CSGALNACT1: variants seen among roughly 807,000 people sequenced by gnomAD.
CSGALNACT1 encodes the protein beta4GalNAcT-1.
CSGALNACT1 carries 52 observed loss-of-function variants against 51.0 expected under a neutral mutation model. That is an observed-to-expected ratio of 1.02 (90% confidence interval 0.82 to 1.29). The LOEUF (loss-of-function observed/expected upper bound fraction) is 1.29. Ranked by LOEUF, CSGALNACT1 falls within the 50% of genes most tolerant of loss-of-function variation. The pLI, the probability that CSGALNACT1 is intolerant of heterozygous loss-of-function variation, is 0.00. For missense variants in CSGALNACT1, 935 were observed against 679.2 expected, an observed-to-expected ratio of 1.38 and a Z score of -4.19; for synonymous variants, 341 against 254.4, an observed-to-expected ratio of 1.34 and a Z score of -3.24.
chr8:19,456,362 A>G (rs192624582), intron 5 of CSGALNACT1, among the ~76,000 whole-genome samples: 6 of 152,360 alleles, frequency 3.9e-5, no homozygotes, highest in African/African-American at 1.4e-4. Context: ...ATCAAAGCTC[A>G]GGACCCTGAA....
chr8:19,498,565 C>A (rs1563739974), intron 4 of CSGALNACT1, among the ~76,000 whole-genome samples: 3 of 151,986 alleles, frequency 2.0e-5, no homozygotes, highest in South Asian at 2.1e-4. Flanking sequence ...TACAACCCAG[C>A]CAGAACCCCT....
intron 4 of CSGALNACT1, among the ~76,000 whole-genome samples, chr8:19,501,001 G>A (rs1489583529): frequency 1.3e-5 from 2 of 152,142 alleles, no homozygotes; most frequent in Non-Finnish European, 2.9e-5. Context: ...TGTAATCCCA[G>A]CACTTTGGGA....
chr8:19,570,171 C>G (rs2958571), intron 3 of CSGALNACT1, among the ~76,000 whole-genome samples: 2 of 151,914 alleles, frequency 1.3e-5, no homozygotes, highest in South Asian at 4.2e-4. Flanking sequence ...ATGTAAAACT[C>G]TGCTGAACTG....
intron 8 of CSGALNACT1, among the ~76,000 whole-genome samples, chr8:19,417,612 C>T (rs999986568): frequency 1.1e-4 from 17 of 152,208 alleles, no homozygotes; most frequent in African/African-American, 4.1e-4. Context: ...AGCAGATGTC[C>T]TTCCTCCACC....
chr8:19,416,229 CT>C (rs2056849879), intron 8 of CSGALNACT1, among the ~76,000 whole-genome samples: 1 of 150,576 alleles, frequency 6.6e-6, no homozygotes, highest in Non-Finnish European at 1.5e-5. Context: ...ATTCTCCTGC[CT>C]CAGCCTGTGG....
At chr8:19,705,539 C>T (rs2062110163) in intron 1 of CSGALNACT1, among the ~76,000 whole-genome samples, 1 of 152,068 alleles carries the variant, frequency 6.6e-6, no homozygotes, top group African/African-American at 2.4e-5. Flanking sequence ...AGCTCAAGAC[C>T]AGCTTAGGCA....
At chr8:19,424,545 C>G (rs941796911) in intron 6 of CSGALNACT1, among the ~76,000 whole-genome samples, 4 of 152,162 alleles carry the variant, frequency 2.6e-5, no homozygotes, top group African/African-American at 9.7e-5. Context: ...ACCTCCTGGG[C>G]CTAGAAGTGG....
intron 1 of CSGALNACT1, among the ~76,000 whole-genome samples, chr8:19,694,211 G>A (rs2061471573): frequency 6.6e-6 from 1 of 152,156 alleles, no homozygotes; most frequent in African/African-American, 2.4e-5. Context: ...CTTCCTTTTG[G>A]CTACAAAGAT....
At chr8:19,679,948 GATTCA>G (rs1255604312) in intron 1 of CSGALNACT1, among the ~76,000 whole-genome samples, 3 of 152,172 alleles carry the variant, frequency 2.0e-5, no homozygotes, top group African/African-American at 7.2e-5. Context: ...GCTTAGAGTA[GATTCA>G]ATTCATTTAC....
intron 4 of CSGALNACT1, among the ~76,000 whole-genome samples, chr8:19,482,917 A>T (rs1159469078): frequency 6.6e-6 from 1 of 152,148 alleles, no homozygotes; most frequent in Non-Finnish European, 1.5e-5. Flanking sequence ...CTCCTGGTCT[A>T]GTTCTTCCTC....
chr8:19,594,550 G>A (rs146909235), intron 2 of CSGALNACT1, among the ~76,000 whole-genome samples: 10 of 152,164 alleles, frequency 6.6e-5, no homozygotes, highest in South Asian at 2.1e-4. Context: ...CCCAGGCACC[G>A]TCTTCATTCC....
intron 1 of CSGALNACT1, among the ~76,000 whole-genome samples, chr8:19,733,886 A>C (rs949494672): frequency 1.3e-5 from 2 of 152,194 alleles, no homozygotes; most frequent in Non-Finnish European, 2.9e-5. Context: ...AGGAAGGAAC[A>C]GCTTATCTCC....
In CSGALNACT1 at chr8:19,585,941, G is replaced by A. The variant is rs185604772; in HGVS notation, c.-297+5219C>T. On this transcript the variant is annotated intron_variant, in intron 3 of 9. Transcript: ENST00000454498. ...TCCAGATTTGCAATGGAACTGTGCC[G>A]ATGCCCAGGCTGGGAACAGCAGGCA... Among the ~76,000 whole-genome samples, 1,153 of 152,280 alleles carry A rather than the reference G, an allele frequency of 7.6e-3. 16 individuals are homozygous for A. Among genetic ancestry groups the A allele is most frequent in the African/African-American group, 0.026 (1,093 of 41,566 alleles).
intron 8 of CSGALNACT1, among the ~76,000 whole-genome samples, chr8:19,409,929 T>C (rs2055305959): frequency 6.6e-6 from 1 of 152,194 alleles, no homozygotes; most frequent in South Asian, 2.1e-4. Flanking sequence ...TCTTTCAGCT[T>C]TCACATCCAA....
intron 3 of CSGALNACT1, among the ~76,000 whole-genome samples, chr8:19,565,739 T>C (rs2041782007): frequency 6.6e-6 from 1 of 152,132 alleles, no homozygotes; most frequent in African/African-American, 2.4e-5. Flanking sequence ...GCCAACACGG[T>C]GAAACGCTGT....
intron 1 of CSGALNACT1, among the ~76,000 whole-genome samples, chr8:19,652,503 T>C (rs1426360542): frequency 6.6e-6 from 1 of 152,188 alleles, no homozygotes; most frequent in Non-Finnish European, 1.5e-5. Context: ...ATCTACCTCC[T>C]ACCTCTTCCA....
chr8:19,448,445 G>C (rs1299455916), intron 5 of CSGALNACT1, among the ~76,000 whole-genome samples: 1 of 152,104 alleles, frequency 6.6e-6, no homozygotes, highest in Non-Finnish European at 1.5e-5. Flanking sequence ...AAGCAAATTG[G>C]GACAACTGGT....
At chr8:19,716,132 C>T (rs938869822) in intron 1 of CSGALNACT1, among the ~76,000 whole-genome samples, 7 of 152,088 alleles carry the variant, frequency 4.6e-5, no homozygotes, top group South Asian at 2.1e-4. Context: ...TTCAATAATC[C>T]CGCCCTTTCC....
At chr8:19,628,190 C>A (rs2054693878) in intron 1 of CSGALNACT1, among the ~76,000 whole-genome samples, 3 of 152,140 alleles carry the variant, frequency 2.0e-5, no homozygotes, top group Admixed American at 6.5e-5. Flanking sequence ...CTACCCAAGA[C>A]TGGGTGATTT....
Sources: gnomAD v4.1 joint callset for allele counts (sites outside exome capture counted in the v4.1 genomes callset) on GRCh38, gnomAD v4.1.1 for gene constraint, MANE v1.5 for transcripts, NCBI Gene and HGNC (gene_info 2026-07-23, HGNC 2026-07-21) for gene names.